Variants in NBEA observed in about 807,000 individuals in gnomAD.
NBEA encodes lysosomal-trafficking regulator 2.
Under a neutral mutation model 343.4 loss-of-function variants are expected in NBEA, and 44 were observed. That is an observed-to-expected ratio of 0.13 (90% CI 0.10 to 0.16). The LOEUF (loss-of-function observed/expected upper bound fraction) is 0.16. Among genes scored for constraint, NBEA ranks in the 10% least tolerant of loss-of-function variants. The pLI is 1.00. For missense variants in NBEA, 2,555 were observed against 3,631.3 expected, an observed-to-expected ratio of 0.70 and a Z score of 7.62; for synonymous variants, 1,175 against 1,238.7, an observed-to-expected ratio of 0.95 and a Z score of 1.08.
At chr13:35,184,149 A>G (rs973046272) in intron 30 of NBEA, 78 bp downstream of exon 30, 1 of 1,058,086 alleles carries the variant, frequency 9.5e-7, no homozygotes, top group Non-Finnish European at 1.4e-6. Flanking sequence ...TTCATGATAT[A>G]CTTGTTTATA....
intron 49 of NBEA, among the ~76,000 whole-genome samples, chr13:35,632,749 G>T (rs531010357): frequency 6.6e-6 from 1 of 151,524 alleles, no homozygotes; most frequent in Non-Finnish European, 1.5e-5. Context: ...ACCCACAACC[G>T]CACCTGGCTA....
intron 22 of NBEA, 32 bp from the exon 23 acceptor site, chr13:35,161,718 A>T (rs2069575835): frequency 2.0e-6 from 3 of 1,527,906 alleles, no homozygotes; most frequent in Non-Finnish European, 2.7e-6. Flanking sequence ...TTTCTTTTGT[A>T]TTCCACAAAA....
chr13:35,206,605 A>T (rs1384758757), intron 31 of NBEA, among the ~76,000 whole-genome samples: 2 of 151,852 alleles, frequency 1.3e-5, no homozygotes, highest in Non-Finnish European at 2.9e-5. Flanking sequence ...GTAGATCATT[A>T]TAAGTAGATG....
chr13:35,607,229 A>AT (rs1478822169), intron 48 of NBEA, among the ~76,000 whole-genome samples: 5 of 151,898 alleles, frequency 3.3e-5, no homozygotes, highest in South Asian at 2.1e-4. Context: ...TTTAAAAAAG[A>AT]TTTTTTTTGG....
At chr13:35,554,895 T>C (rs1041412377) in intron 43 of NBEA, 92 bp from the exon 44 acceptor site, 4 of 525,978 alleles carry the variant, frequency 7.6e-6, no homozygotes, top group African/African-American at 5.8e-5. Flanking sequence ...TTATTTTAAG[T>C]TGATTATCAA....
At chr13:35,019,204 GTTTTC>G (rs1236890285) in intron 1 of NBEA, among the ~76,000 whole-genome samples, 3 of 151,144 alleles carry the variant, frequency 2.0e-5, no homozygotes, top group South Asian at 4.2e-4. Context: ...TTTGGCTGTA[GTTTTC>G]TTTTCTTTGA....
chr13:35,295,656 G>A (rs1402748191), intron 35 of NBEA, among the ~76,000 whole-genome samples: 2 of 152,104 alleles, frequency 1.3e-5, no homozygotes, highest in Admixed American at 6.5e-5. Flanking sequence ...TACTGAAAAT[G>A]TAGACATTTT....
At chr13:35,547,061 G>A (rs1429068620) in intron 41 of NBEA, among the ~76,000 whole-genome samples, 3 of 152,096 alleles carry the variant, frequency 2.0e-5, no homozygotes, top group East Asian at 1.9e-4. Context: ...TCAGAACATC[G>A]TCTTTCATCA....
intron 39 of NBEA, among the ~76,000 whole-genome samples, chr13:35,449,029 A>G (rs1045682249): frequency 7.9e-5 from 12 of 152,202 alleles, no homozygotes; most frequent in African/African-American, 2.9e-4. Flanking sequence ...AGGGAATAAC[A>G]TTAGCATGGG....
rs758087555 is a variant in NBEA at position 35,182,400 on chromosome 13, T to C, written c.4703T>C (p.Val1568Ala). 6.2e-7 allele frequency: 1 copy of C among 1,610,638 alleles called. No homozygotes were observed. The highest frequency in any genetic ancestry group is 2.2e-5 in the East Asian group (1 of 44,682). Residue 1568 changes from valine (V) to alanine (A), a missense_variant, in exon 29 of 59, where the codon GTT (valine) becomes GCT (alanine). Physicochemically the swap from Val to Ala is moderately conservative, Grantham distance 64. Around this residue, in one of 21 missense-constraint regions of NBEA, gnomAD observed 3 missense variants for 25.7 expected, o/e 0.12. Coordinates refer to ENST00000379939, the MANE Select transcript of NBEA (RefSeq NM_001385012.1). The part of the protein sequence containing the change: ...KQAQFLALAV[V>A]YFISVLMVSK... ...GCACAGTTCTTAGCTCTGGCTGTTG[T>C]TTACTTCATTTCGGTTCTGATGGTT...
chr13:35,421,373 T>A (rs1228483390), intron 38 of NBEA, among the ~76,000 whole-genome samples: 1 of 152,112 alleles, frequency 6.6e-6, no homozygotes, highest in Admixed American at 6.6e-5. Flanking sequence ...GTATTACATT[T>A]TTTGTGCATA....
chr13:35,061,193 T>G (rs1433343256), intron 8 of NBEA, among the ~76,000 whole-genome samples: 2 of 151,754 alleles, frequency 1.3e-5, no homozygotes, highest in East Asian at 3.9e-4. Flanking sequence ...ATTTTTGTTC[T>G]GTCGAATTTT....
chr13:34,980,411 G>C (rs1399524657), intron 1 of NBEA, among the ~76,000 whole-genome samples: 4 of 151,304 alleles, frequency 2.6e-5, no homozygotes, highest in African/African-American at 7.3e-5. Flanking sequence ...TAGTTTAGAA[G>C]TATAACTTTT....
At chr13:35,556,028 T>C (rs1353705232) in intron 44 of NBEA, among the ~76,000 whole-genome samples, 1 of 151,962 alleles carries the variant, frequency 6.6e-6, no homozygotes, top group Non-Finnish European at 1.5e-5. Context: ...TAGACAAAAC[T>C]TGATTTGTCC....
chr13:34,977,097 C>T (rs1298313160), intron 1 of NBEA, among the ~76,000 whole-genome samples: 3 of 151,680 alleles, frequency 2.0e-5, no homozygotes, highest in African/African-American at 4.8e-5. Flanking sequence ...TGCACCATCA[C>T]GGCCAGCAAA....
intron 34 of NBEA, among the ~76,000 whole-genome samples, chr13:35,260,495 C>G (rs1424891410): frequency 6.6e-6 from 1 of 152,132 alleles, no homozygotes; most frequent in Non-Finnish European, 1.5e-5. Context: ...TCTGATTTGC[C>G]TGGAGGCACT....
At chr13:35,574,334 A>T (rs1206249782) in intron 45 of NBEA, among the ~76,000 whole-genome samples, 1 of 148,544 alleles carries the variant, frequency 6.7e-6, no homozygotes, top group African/African-American at 2.5e-5. Flanking sequence ...TCTCTTCTAG[A>T]TGCCCTCTAC....
intron 36 of NBEA, among the ~76,000 whole-genome samples, chr13:35,315,235 CT>C (rs2037638129): frequency 6.6e-6 from 1 of 152,144 alleles, no homozygotes; most frequent in South Asian, 2.1e-4. Flanking sequence ...AACAGCTACA[CT>C]TTTGAATACA....
At chr13:35,428,186 T>A (rs1329704856) in intron 38 of NBEA, among the ~76,000 whole-genome samples, 1 of 152,082 alleles carries the variant, frequency 6.6e-6, no homozygotes, top group Non-Finnish European at 1.5e-5. Context: ...AGCCGGTACC[T>A]CAGTTTGAAA....
Sources: allele counts gnomAD v4.1 joint callset (sites outside exome capture counted in the v4.1 genomes callset), GRCh38; gene constraint gnomAD v4.1.1; regional missense constraint gnomAD v4.1.1; transcripts MANE v1.5; gene names NCBI Gene and HGNC (gene_info 2026-07-23, HGNC 2026-07-21).